BTBD9: variants seen among roughly 807,000 people sequenced by gnomAD.
The protein encoded by BTBD9 is BTB/POZ domain-containing protein 9.
In BTBD9, 49 loss-of-function variants were observed where a neutral mutation model predicts 64.3. The ratio of observed to expected loss-of-function variants is 0.76; its 90% CI spans 0.61 to 0.97. The LOEUF is 0.97. BTBD9 is among the 50% of genes least tolerant of loss of function. The pLI is 0.00. For synonymous variants in BTBD9, 260 were observed against 274.7 expected (o/e 0.95, Z 0.53); for missense variants, 598 against 762.1 (o/e 0.78, Z 2.53).
chr6:38,339,220 A>G (rs904921859), intron 7 of BTBD9, among the ~76,000 whole-genome samples: 6 of 152,248 alleles, frequency 3.9e-5, no homozygotes, highest in African/African-American at 1.4e-4. Flanking sequence ...CGGTTCATCA[A>G]TAGAAAACTG....
chr6:38,386,867 T>C (rs933266511), intron 6 of BTBD9, among the ~76,000 whole-genome samples: 1 of 152,132 alleles, frequency 6.6e-6, no homozygotes, highest in Non-Finnish European at 1.5e-5. Context: ...GCTCTTGAAC[T>C]CCTGAGTTCA....
intron 6 of BTBD9, among the ~76,000 whole-genome samples, chr6:38,462,224 G>A (rs1172302818): frequency 6.6e-6 from 1 of 151,808 alleles, no homozygotes; most frequent in Non-Finnish European, 1.5e-5. Flanking sequence ...TCTTAAATAC[G>A]TTTGCCTAAA....
At chr6:38,401,474 G>C (rs1269886634) in intron 6 of BTBD9, among the ~76,000 whole-genome samples, 1 of 152,134 alleles carries the variant, frequency 6.6e-6, no homozygotes, top group Non-Finnish European at 1.5e-5. Context: ...TACTATGTTT[G>C]CCTCCAGGCT....
intron 8 of BTBD9, among the ~76,000 whole-genome samples, chr6:38,287,109 TACAC>T (rs70981534): frequency 0.028 from 2,450 of 86,864 alleles, 46 homozygotes; most frequent in Admixed American, 0.067. Context: ...AAAAAAAATA[TACAC>T]ACACACACAC....
chr6:38,365,884 T>A (rs903827867), intron 6 of BTBD9, among the ~76,000 whole-genome samples: 1 of 152,174 alleles, frequency 6.6e-6, no homozygotes, highest in Non-Finnish European at 1.5e-5. Flanking sequence ...ATTTCTGTAT[T>A]TAAAAACTGG....
At chr6:38,385,247 A>C (rs539746656) in intron 6 of BTBD9, among the ~76,000 whole-genome samples, 1 of 149,460 alleles carries the variant, frequency 6.7e-6, no homozygotes, top group South Asian at 2.2e-4. Context: ...GCTGGGGTGC[A>C]GTGGCTCAAT....
At chr6:38,625,321 T>C (rs994355834) in intron 1 of BTBD9, among the ~76,000 whole-genome samples, 2 of 152,222 alleles carry the variant, frequency 1.3e-5, no homozygotes, top group African/African-American at 4.8e-5. Flanking sequence ...GCCAAAGTAC[T>C]TCCTAAATTA....
At chr6:38,216,647 A>C (rs1433325693) in intron 9 of BTBD9, among the ~76,000 whole-genome samples, 1 of 152,214 alleles carries the variant, frequency 6.6e-6, no homozygotes, top group Non-Finnish European at 1.5e-5. Flanking sequence ...CATGGTAGTG[A>C]AATTCTCACT....
intron 6 of BTBD9, among the ~76,000 whole-genome samples, chr6:38,488,128 T>A (rs1771539998): frequency 6.6e-6 from 1 of 151,968 alleles, no homozygotes; most frequent in Non-Finnish European, 1.5e-5. Context: ...GGCTAATTTT[T>A]AAATTTTTTG....
At chr6:38,298,615 A>G (rs944597973) in intron 7 of BTBD9, among the ~76,000 whole-genome samples, 1 of 152,266 alleles carries the variant, frequency 6.6e-6, no homozygotes, top group Middle Eastern at 3.4e-3. Context: ...ATCTAACTGT[A>G]TATTTGTACC....
chr6:38,397,594 G>A (rs1003649784), intron 6 of BTBD9, among the ~76,000 whole-genome samples: 1 of 152,214 alleles, frequency 6.6e-6, no homozygotes, highest in Non-Finnish European at 1.5e-5. Flanking sequence ...ATACTTCAGC[G>A]TGCTATTTGC....
intron 6 of BTBD9, among the ~76,000 whole-genome samples, chr6:38,519,116 C>G (rs527647667): frequency 2.8e-4 from 43 of 152,302 alleles, no homozygotes; most frequent in African/African-American, 1.0e-3. Context: ...AGTTCTATCA[C>G]TTGAGCACAG....
intron 4 of BTBD9, among the ~76,000 whole-genome samples, chr6:38,582,536 T>C (rs1413140825): frequency 6.6e-6 from 1 of 152,148 alleles, no homozygotes; most frequent in Non-Finnish European, 1.5e-5. Flanking sequence ...AGAGGCCCTG[T>C]TTTTAACAGA....
At chr6:38,553,222 A>G (rs1472701696) in intron 6 of BTBD9, among the ~76,000 whole-genome samples, 1 of 152,198 alleles carries the variant, frequency 6.6e-6, no homozygotes, top group Non-Finnish European at 1.5e-5. Context: ...TGACTGTATC[A>G]GAAAAGCCAT....
At chr6:38,563,885 C>T (rs1356921627) in intron 6 of BTBD9, among the ~76,000 whole-genome samples, 1 of 151,570 alleles carries the variant, frequency 6.6e-6, no homozygotes, top group Non-Finnish European at 1.5e-5. Context: ...GGTTCCATGC[C>T]ATTATCCTTC....
At chr6:38,458,373 A>G (rs1769916522) in intron 6 of BTBD9, among the ~76,000 whole-genome samples, 1 of 152,182 alleles carries the variant, frequency 6.6e-6, no homozygotes, top group Non-Finnish European at 1.5e-5. Context: ...ATGTTCCTAA[A>G]AACGCAAAAG....
rs1219569758 is a variant in BTBD9 at position 38,576,154 on chromosome 6, C to T, written c.1154+1446G>A. On this transcript the variant is annotated intron_variant, in intron 6 of 10. Coordinates refer to ENST00000481247, the MANE Select transcript of BTBD9 (RefSeq NM_001099272.2). The stretch of plus-strand genomic sequence containing the variant: ...AGTCCATATCAGACGCTTTGTTATG[C>T]TGCCTGTGTTTTAATCAGATACAAC... 2.0e-5 allele frequency among the ~76,000 whole-genome samples: 3 copies of T among 152,048 alleles called. No homozygotes were observed. In the East Asian group the frequency reaches 5.8e-4, roughly 29 times the overall value.
intron 4 of BTBD9, among the ~76,000 whole-genome samples, chr6:38,590,819 C>G (rs187354262): frequency 2.0e-5 from 3 of 152,208 alleles, no homozygotes; most frequent in South Asian, 2.1e-4. Context: ...AATAATGGTG[C>G]CTGAGAATTT....
intron 6 of BTBD9, among the ~76,000 whole-genome samples, chr6:38,441,371 A>C (rs1033259898): frequency 1.2e-4 from 18 of 152,138 alleles, no homozygotes; most frequent in Admixed American, 3.9e-4. Context: ...ACAGAATCCT[A>C]TATGAGATGC....
Sources: allele counts gnomAD v4.1 joint callset (sites outside exome capture counted in the v4.1 genomes callset), GRCh38; gene constraint gnomAD v4.1.1; transcripts MANE v1.5; gene names NCBI Gene and HGNC (gene_info 2026-07-23, HGNC 2026-07-21).